The following LRIG3 variants were observed in gnomAD, a reference collection of about 807,000 sequenced individuals.
The protein encoded by LRIG3 is leucine-rich repeats and immunoglobulin-like domains protein 3.
In LRIG3, 76 loss-of-function variants were observed where a neutral mutation model predicts 114.5. The observed-to-expected ratio is 0.66, with a 90% CI of 0.55 to 0.80. The LOEUF (loss-of-function observed/expected upper bound fraction) is 0.80, where lower values mean the gene tolerates loss of function less well. Among genes scored for constraint, LRIG3 ranks in the 30% least tolerant of loss-of-function variants. The pLI is 0.00. For missense variants in LRIG3, 1,239 were observed against 1,382.8 expected, an observed-to-expected ratio of 0.90 and a Z score of 1.65; for synonymous variants, 512 against 519.8, an observed-to-expected ratio of 0.98 and a Z score of 0.20.
At chr12:58,875,662 G>A (rs990492327) in intron 16 of LRIG3, among the ~76,000 whole-genome samples, 11 of 152,186 alleles carry the variant, frequency 7.2e-5, no homozygotes, top group Admixed American at 5.9e-4. Flanking sequence ...AGTAGGTCTT[G>A]TACCAAACCT....
intron 3 of LRIG3, among the ~76,000 whole-genome samples, chr12:58,910,052 TATA>T (rs538033378): frequency 1.8e-4 from 27 of 152,190 alleles, no homozygotes; most frequent in Non-Finnish European, 4.4e-5. Flanking sequence ...AATCAATATA[TATA>T]ATAACCTCTC....
chr12:58,914,445 T>C (rs540018600), intron 1 of LRIG3, 109 bp from the exon 2 acceptor site: 121 of 846,722 alleles, frequency 1.4e-4, no homozygotes, highest in Non-Finnish European at 2.1e-4. Flanking sequence ...GGAGAAATAA[T>C]TGGTCTATTC....
In LRIG3 at chr12:58,902,120, AAAGAG is replaced by A. The variant is rs1247132702; in HGVS notation, c.384-11329_384-11325del. Among the ~76,000 whole-genome samples the A allele has an allele frequency of 2.6e-5, 4 of 151,964 alleles. No homozygotes were observed. In the East Asian group the frequency reaches 7.8e-4, roughly 30 times the overall value. ...AGGAAAGGCCAGAGGAGAATAAGAG[AAAGAG>A]AGATTTATACAATTAATTGACTACT... is the stretch of plus-strand genomic sequence containing the variant. On this transcript the variant is annotated intron_variant, in intron 3 of 18. Coordinates refer to ENST00000320743, the MANE Select transcript of LRIG3 (RefSeq NM_153377.5).
intron 12 of LRIG3, 115 bp downstream of exon 12, chr12:58,882,754 G>T: frequency 1.7e-6 from 2 of 1,155,448 alleles, no homozygotes; most frequent in Non-Finnish European, 1.2e-6. Context: ...CTCTACCTCA[G>T]CAGAAATAAA....
At chr12:58,919,967 CG>C (rs1872609341) in intron 1 of LRIG3, 32 bp downstream of exon 1, 2 of 1,539,724 alleles carry the variant, frequency 1.3e-6, no homozygotes. Context: ...TCCAGCGGCC[CG>C]GGCCCCCTCC....
intron 3 of LRIG3, among the ~76,000 whole-genome samples, chr12:58,899,361 C>G (rs932958348): frequency 2.6e-5 from 4 of 152,138 alleles, no homozygotes; most frequent in African/African-American, 9.7e-5. Flanking sequence ...TTGTGAAATT[C>G]CAATTAGATA....
At position 58,920,256 on chromosome 12, in the gene LRIG3, C is replaced by T; in HGVS notation, c.-21G>A. The stretch of plus-strand genomic sequence containing the variant: ...CTCATCGCGGTCCAGCGGCCTAGGT[C>T]TCTACCCGAAGCTCCCAGCCGGCGC... On this transcript the variant is annotated 5_prime_UTR_variant, in exon 1 of 19. Transcript: ENST00000320743. 7.5e-7 allele frequency: 1 copy of T among 1,331,672 alleles called. No homozygotes were observed. The highest frequency in any genetic ancestry group is 9.5e-7 in the Non-Finnish European group (1 of 1,047,278). 82.5% of individuals were successfully genotyped at this position (1,331,672 alleles called of 1,614,324 possible).
intron 10 of LRIG3, among the ~76,000 whole-genome samples, chr12:58,884,256 C>A (rs943950064): frequency 6.6e-6 from 1 of 152,152 alleles, no homozygotes; most frequent in Non-Finnish European, 1.5e-5. Flanking sequence ...ATAAAATGAG[C>A]ACATATTCTG....
At chr12:58,876,680 A>G in intron 15 of LRIG3, 77 bp from the exon 16 acceptor site, 3 of 1,511,372 alleles carry the variant, frequency 2.0e-6, no homozygotes, top group South Asian at 2.4e-5. Flanking sequence ...TGAATGGCAT[A>G]GACTATTTTG....
chr12:58,876,743 T>C (rs1870933013), intron 15 of LRIG3, 140 bp from the exon 16 acceptor site: 1 of 818,558 alleles, frequency 1.2e-6, no homozygotes, highest in Non-Finnish European at 1.9e-6. Flanking sequence ...ACCATCTCGA[T>C]TGTACAGTAT....
intron 3 of LRIG3, among the ~76,000 whole-genome samples, chr12:58,894,766 T>C (rs1871582159): frequency 6.6e-6 from 1 of 152,244 alleles, no homozygotes; most frequent in African/African-American, 2.4e-5. Flanking sequence ...AACACCATCT[T>C]TCCATTGTTC....
intron 1 of LRIG3, among the ~76,000 whole-genome samples, chr12:58,917,594 CT>C (rs1872526193): frequency 6.6e-6 from 1 of 152,162 alleles, no homozygotes. Flanking sequence ...AACTATTCGA[CT>C]TTTCACACAT....
rs1473490030 is a variant in LRIG3, at chr12:58,872,497, CAT to C, written c.*73_*74del. The C allele has an allele frequency of 7.0e-7, 1 of 1,418,460 alleles. No homozygotes were observed. Among genetic ancestry groups the C allele is most frequent in the Non-Finnish European group, 9.3e-7 (1 of 1,071,238 alleles). 87.9% of individuals were successfully genotyped at this position (1,418,460 alleles called of 1,614,324 possible). The stretch of plus-strand genomic sequence containing the variant: ...AAAATTCATAACTCCATTTAAAAAA[CAT>C]AAGATTCTCTCTCTTTTAAATAAAA... On this transcript the variant is annotated 3_prime_UTR_variant, in exon 19 of 19. Transcript: ENST00000320743.
At chr12:58,905,931 C>T (rs1280992281) in intron 3 of LRIG3, among the ~76,000 whole-genome samples, 1 of 152,156 alleles carries the variant, frequency 6.6e-6, no homozygotes, top group Non-Finnish European at 1.5e-5. Context: ...TAGCTTTCTG[C>T]ATAGGTTTCA....
intron 1 of LRIG3, among the ~76,000 whole-genome samples, chr12:58,917,804 G>A (rs890303579): frequency 6.6e-6 from 1 of 152,148 alleles, no homozygotes; most frequent in South Asian, 2.1e-4. Flanking sequence ...TAAGATATGG[G>A]GAACAAAAAC....
Position 58,920,355 on chromosome 12 carries a change from T to A in LRIG3, c.-120A>T. 1.5e-6 allele frequency: 1 copy of A among 655,462 alleles called. No homozygotes were observed. The highest frequency in any genetic ancestry group is 2.2e-6 in the Non-Finnish European group (1 of 448,846). The allele number at this position is 655,462 out of a possible 1,614,324, so 40.6% of individuals were successfully genotyped here. On this transcript the variant is annotated 5_prime_UTR_variant, in exon 1 of 19. Transcript: ENST00000320743. ...TCGCGGTCGCGTGCGCGCTCCTCCC[T>A]CGCGCTGCCCGGTCAATTCCTTCTT... is the stretch of plus-strand genomic sequence containing the variant.
chr12:58,880,635 T>C lies in LRIG3; in HGVS notation c.1747A>G (p.Ile583Val), dbSNP rs745483651. Reference sequence around the variant, plus strand: ...TAGGATGAACCAAAGTGATTGGAGATGACACACTGATATTTCCCCTCACTG... The same window carrying C: ...TAGGATGAACCAAAGTGATTGGAGACGACACACTGATATTTCCCCTCACTG... ...FASEGKYQCVISNHFGSSYSV... is the reference protein window; with the variant it reads ...FASEGKYQCVVSNHFGSSYSV... The change falls in exon 13 of 19, where the codon ATC (isoleucine) becomes GTC (valine). Residue 583 changes from isoleucine to valine, a missense_variant. Physicochemically the swap from Ile to Val is conservative, Grantham distance 29 (BLOSUM62 3). Coordinates refer to ENST00000320743, the MANE Select transcript of LRIG3 (RefSeq NM_153377.5). 4 of 1,614,110 alleles carry C rather than the reference T, an allele frequency of 2.5e-6. No individual in the cohort carries two copies. The highest frequency in any genetic ancestry group is 1.7e-5 in the Admixed American group (1 of 60,016).
chr12:58,893,122 C>T (rs908325909), intron 3 of LRIG3, among the ~76,000 whole-genome samples: 6 of 152,202 alleles, frequency 3.9e-5, no homozygotes, highest in Admixed American at 3.9e-4. Flanking sequence ...GTGTATTTAC[C>T]ATCTACCAGA....
At chr12:58,882,334 G>A (rs149061740) in intron 12 of LRIG3, among the ~76,000 whole-genome samples, 1 of 152,234 alleles carries the variant, frequency 6.6e-6, no homozygotes, top group East Asian at 1.9e-4. Context: ...TAAAGTTCAG[G>A]TAACTAGATT....
Sources: allele counts gnomAD v4.1 joint callset (sites outside exome capture counted in the v4.1 genomes callset), GRCh38; gene constraint gnomAD v4.1.1; transcripts MANE v1.5; gene names NCBI Gene and HGNC (gene_info 2026-07-23, HGNC 2026-07-21).